Variants in WDFY4 observed in about 807,000 individuals in gnomAD.
WDFY4 encodes WDFY family member 4.
Under a neutral mutation model 351.9 loss-of-function variants are expected in WDFY4, and 169 were observed. The ratio of observed to expected loss-of-function variants is 0.48; its 90% CI spans 0.42 to 0.55. The LOEUF (loss-of-function observed/expected upper bound fraction) is 0.55, where lower values mean the gene tolerates loss of function less well. Ranked by LOEUF, WDFY4 falls within the 20% of genes least tolerant of loss-of-function variation. The probability of loss-of-function intolerance (pLI) is 0.00; values close to 1 mark genes in which losing one functional copy is unlikely to be tolerated. For missense variants in WDFY4, 3,803 were observed against 3,935.6 expected (o/e 0.97, Z 0.90); for synonymous variants, 1,622 against 1,574.6 (o/e 1.03, Z -0.71).
rs1253655179 is a variant in WDFY4 at position 48,957,384 on chromosome 10, T to A, written c.8131+102T>A. 5 of 1,412,804 alleles carry A rather than the reference T, an allele frequency of 3.5e-6. No individual in the cohort carries two copies. The East Asian group carries it at 1.0e-4, about 29-fold the overall frequency. 87.5% of individuals were successfully genotyped at this position (1,412,804 alleles called of 1,614,324 possible). On this transcript the variant is annotated intron_variant, in intron 52 of 61. Coordinates refer to ENST00000325239, the MANE Select transcript of WDFY4 (RefSeq NM_001394531.1). The stretch of plus-strand genomic sequence containing the variant: ...CATCATCTGGACCTTTGCTAGGCCC[T>A]CCCCAGGACCTCAACTTCGGGTGAG...
chr10:48,836,517 G>T (rs1036775801), intron 39 of WDFY4, among the ~76,000 whole-genome samples: 1 of 152,188 alleles, frequency 6.6e-6, no homozygotes, highest in Non-Finnish European at 1.5e-5. Flanking sequence ...CATGTCAGCA[G>T]CTGATAGCCC....
In WDFY4 at chr10:48,970,226, T is replaced by A. The variant is rs748260444; in HGVS notation, c.8865T>A (p.Thr2955=). The A allele has an allele frequency of 6.4e-7, 1 of 1,551,706 alleles. No homozygotes were observed. The highest frequency in any genetic ancestry group is 8.7e-7 in the Non-Finnish European group (1 of 1,146,996). The change falls in exon 57 of 62, where the codon ACT becomes ACA. Residue 2955 remains threonine, a synonymous_variant. Transcript: ENST00000325239. ...PTTIVTSGTS[T]VVCVWELSMT... ...CGATTGTCACCTCTGGGACCAGCAC[T>A]GTGGTGTGTGTGTGGGAGCTCAGCA... is the stretch of plus-strand genomic sequence containing the variant.
chr10:48,734,156 G>A, intron 10 of WDFY4, 121 bp downstream of exon 10: 1 of 820,216 alleles, frequency 1.2e-6, no homozygotes, highest in Non-Finnish European at 1.9e-6. Context: ...CGTTAGCTGT[G>A]GCTAATGATC....
Position 48,725,894 on chromosome 10 carries a change from T to C in WDFY4, c.605T>C (p.Ile202Thr), listed in dbSNP as rs1478217705. The C allele has an allele frequency of 9.7e-6, 15 of 1,544,696 alleles. No homozygotes were observed. Among genetic ancestry groups the C allele is most frequent in the Non-Finnish European group, 1.3e-5 (15 of 1,141,290 alleles). Residue 202 changes from isoleucine to threonine, a missense_variant, in exon 6 of 62, where the codon ATT (isoleucine) becomes ACT (threonine). Ile to Thr is a moderately conservative substitution (Grantham distance 89). Around this residue, in one of 3 missense-constraint regions of WDFY4, gnomAD observed 488 missense variants for 456.8 expected, o/e 1.07. Transcript: ENST00000325239. ...QKMFVQMLLN[I>T]CSDSQGLEGL... ...CTTATTTTTCAGATGTTGCTCAATA[T>C]TTGCAGTGACTCTCAGGGCCTGGAG... is the stretch of plus-strand genomic sequence containing the variant.
intron 48 of WDFY4, 129 bp from the exon 49 acceptor site, chr10:48,943,201 A>G (rs1840869550): frequency 3.7e-6 from 4 of 1,081,248 alleles, no homozygotes; most frequent in Non-Finnish European, 5.2e-6. Flanking sequence ...GCACAAAGTA[A>G]CCGAGGGGCT....
chr10:48,804,773 G>A, intron 25 of WDFY4: 1 of 969,394 alleles, frequency 1.0e-6, no homozygotes, highest in East Asian at 1.6e-4. Context: ...GAGTATCTGA[G>A]GGAGGGGGTA....
At chr10:48,722,284 C>T (rs1017722398) in intron 4 of WDFY4, among the ~76,000 whole-genome samples, 25 of 152,152 alleles carry the variant, frequency 1.6e-4, no homozygotes, top group African/African-American at 4.3e-4. Context: ...AGCACGAGGG[C>T]GCATCACATG....
intron 1 of WDFY4, among the ~76,000 whole-genome samples, chr10:48,705,514 T>C (rs1040114795): frequency 6.6e-6 from 1 of 152,178 alleles, no homozygotes; most frequent in African/African-American, 2.4e-5. Context: ...TTTTTCTTGC[T>C]GTTCTTCACA....
chr10:48,782,139 G>A (rs1202426850), intron 19 of WDFY4, among the ~76,000 whole-genome samples: 1 of 152,228 alleles, frequency 6.6e-6, no homozygotes, highest in Admixed American at 6.5e-5. Flanking sequence ...AACAGGGCTG[G>A]ACTTATCATT....
At chr10:48,754,301 G>A (rs1463821144) in intron 12 of WDFY4, among the ~76,000 whole-genome samples, 2 of 147,958 alleles carry the variant, frequency 1.4e-5, no homozygotes, top group African/African-American at 5.0e-5. Context: ...CTTCCTTGCT[G>A]TTCCTGGAAT....
intron 1 of WDFY4, among the ~76,000 whole-genome samples, chr10:48,707,785 G>A (rs766892874): frequency 6.6e-6 from 1 of 152,166 alleles, no homozygotes; most frequent in Non-Finnish European, 1.5e-5. Context: ...GAGTGTGGGT[G>A]GGGTGGGGAC....
intron 11 of WDFY4, among the ~76,000 whole-genome samples, chr10:48,741,257 C>G (rs940194989): frequency 6.6e-6 from 1 of 151,888 alleles, no homozygotes; most frequent in Non-Finnish European, 1.5e-5. Context: ...GAATAAAATC[C>G]CAGTGGTTGG....
At chr10:48,918,101 T>C (rs1263130178) in intron 47 of WDFY4, among the ~76,000 whole-genome samples, 1 of 152,080 alleles carries the variant, frequency 6.6e-6, no homozygotes, top group Non-Finnish European at 1.5e-5. Context: ...TAGTAAATAG[T>C]AAAAAACTAA....
rs10598078 is a variant in WDFY4 at position 48,931,096 on chromosome 10, AACACACACACACACACAC to A, written c.7587-10693_7587-10676del. The stretch of plus-strand genomic sequence containing the variant: ...ACACATGCATGCACACTCACACTCA[AACACACACACACACACAC>A]ACACACACACACACACGATTCCGCT... On this transcript the variant is annotated intron_variant, in intron 47 of 61. Coordinates refer to ENST00000325239, the MANE Select transcript of WDFY4 (RefSeq NM_001394531.1). Among the ~76,000 whole-genome samples, 27 of 150,362 alleles carry A rather than the reference AACACACACACACACACAC, an allele frequency of 1.8e-4. 1 individual carries two copies. Among genetic ancestry groups the A allele is most frequent in the East Asian group, 7.8e-4 (4 of 5,106 alleles).
chr10:48,877,222 C>A (rs1904595), intron 43 of WDFY4, 23 bp downstream of exon 43: 2 of 1,542,412 alleles, frequency 1.3e-6, no homozygotes, highest in Non-Finnish European at 1.8e-6. Context: ...ATTGCAATAG[C>A]CTTTAAGATT....
chr10:48,855,144 T>A (rs1226385704), intron 39 of WDFY4, among the ~76,000 whole-genome samples: 4 of 152,220 alleles, frequency 2.6e-5, no homozygotes, highest in Admixed American at 1.3e-4. Context: ...ATATTGTTTT[T>A]ATATTTTTTA....
chr10:48,856,136 G>A (rs1409465080), intron 39 of WDFY4, among the ~76,000 whole-genome samples: 1 of 152,076 alleles, frequency 6.6e-6, no homozygotes, highest in Non-Finnish European at 1.5e-5. Flanking sequence ...GTGGAAAATT[G>A]CTGAGTTCTT....
rs192888701 is a variant in WDFY4 at position 48,792,437 on chromosome 10, A to T, written c.4257+1520A>T. Among the ~76,000 whole-genome samples, 4 of 152,350 alleles carry T rather than the reference A, an allele frequency of 2.6e-5. No homozygotes were observed. The East Asian group carries it at 7.7e-4, about 29-fold the overall frequency. ...TCTTTGCTGGTGTATTACTGACACC[A>T]TGAAGACACTCAGTACATGTTTTGG... On this transcript the variant is annotated intron_variant, in intron 23 of 61. Coordinates refer to ENST00000325239, the MANE Select transcript of WDFY4 (RefSeq NM_001394531.1).
intron 39 of WDFY4, among the ~76,000 whole-genome samples, chr10:48,847,700 A>T (rs919784578): frequency 1.3e-5 from 2 of 152,182 alleles, no homozygotes; most frequent in African/African-American, 4.8e-5. Flanking sequence ...CAGAGAGGAG[A>T]GAAGATGGCT....
Sources: allele counts gnomAD v4.1 joint callset (sites outside exome capture counted in the v4.1 genomes callset), GRCh38; gene constraint gnomAD v4.1.1; regional missense constraint gnomAD v4.1.1; transcripts MANE v1.5; gene names NCBI Gene and HGNC (gene_info 2026-07-23, HGNC 2026-07-21).